ANK2: variants seen among roughly 807,000 people sequenced by gnomAD.
ANK2 encodes ankyrin-2.
A neutral mutation model predicts 360.5 loss-of-function variants in ANK2; 83 were observed. That is an observed-to-expected ratio of 0.23 (90% CI 0.19 to 0.28). The LOEUF (loss-of-function observed/expected upper bound fraction) is 0.28, where lower values mean the gene tolerates loss of function less well. Among genes scored for constraint, ANK2 ranks in the 10% least tolerant of loss-of-function variants. The pLI, the probability that ANK2 is intolerant of heterozygous loss-of-function variation, is 1.00. For missense variants in ANK2, 4,201 were observed against 4,795.7 expected, an observed-to-expected ratio of 0.88 and a Z score of 3.66; for synonymous variants, 1,740 against 1,759.5, an observed-to-expected ratio of 0.99 and a Z score of 0.28.
chr4:113,008,803 A>T (rs1430022249), intron 2 of ANK2, among the ~76,000 whole-genome samples: 5 of 152,168 alleles, frequency 3.3e-5, no homozygotes, highest in African/African-American at 7.2e-5. Flanking sequence ...TGAGGCTGTG[A>T]TTCTATATTC....
chr4:113,161,834 A>G (rs1014010630), intron 1 of ANK2, among the ~76,000 whole-genome samples: 1 of 152,122 alleles, frequency 6.6e-6, no homozygotes, highest in Non-Finnish European at 1.5e-5. Flanking sequence ...CAGGGGCATT[A>G]CAAGAGGCCC....
At chr4:112,998,026 C>T (rs1338791872) in intron 2 of ANK2, among the ~76,000 whole-genome samples, 3 of 151,510 alleles carry the variant, frequency 2.0e-5, no homozygotes, top group African/African-American at 4.9e-5. Flanking sequence ...ATCTTTTGAG[C>T]ATGTGGTCCT....
At chr4:112,726,094 C>T in the ANK2 span, among the ~76,000 whole-genome samples, 1 of 152,046 alleles carries the variant, frequency 6.6e-6, no homozygotes, top group East Asian at 1.9e-4. Context: ...AAGGAGGAAG[C>T]ACACATCTGG....
chr4:113,021,195 T>C (rs1401672648), intron 2 of ANK2, among the ~76,000 whole-genome samples: 1 of 152,100 alleles, frequency 6.6e-6, no homozygotes, highest in African/African-American at 2.4e-5. Context: ...TTTTTCTGTC[T>C]CTTGAATTCC....
At chr4:113,287,833 AACCCTCTCC>A in intron 19 of ANK2, 130 bp downstream of exon 19, 1 of 786,624 alleles carries the variant, frequency 1.3e-6, no homozygotes, top group South Asian at 1.5e-5. Context: ...AACTAATCAT[AACCCTCTCC>A]TATGCACAAA....
chr4:113,230,748 A>G (rs1364849283), intron 4 of ANK2, among the ~76,000 whole-genome samples: 1 of 152,172 alleles, frequency 6.6e-6, no homozygotes, highest in Non-Finnish European at 1.5e-5. Flanking sequence ...TTGCCCATTC[A>G]AATTTAATTT....
intron 1 of ANK2, among the ~76,000 whole-genome samples, chr4:113,159,169 C>G (rs1342114227): frequency 7.0e-6 from 1 of 142,938 alleles, no homozygotes; most frequent in African/African-American, 2.6e-5. Context: ...ATGACTTCCT[C>G]TCTCTCTCTT....
chr4:113,159,191 CCA>C (rs57967546), intron 1 of ANK2, among the ~76,000 whole-genome samples: 33,488 of 141,834 alleles, frequency 0.24, 4,075 homozygotes, highest in Non-Finnish European at 0.28. Flanking sequence ...CTCTTTCCTT[CCA>C]CACACACACA....
At chr4:113,124,021 G>A (rs1245733856) in intron 1 of ANK2, among the ~76,000 whole-genome samples, 1 of 152,138 alleles carries the variant, frequency 6.6e-6, no homozygotes, top group Non-Finnish European at 1.5e-5. Context: ...TTCATGATCT[G>A]CAGTTTGACT....
chr4:112,961,806 T>C (rs954248346), intron 2 of ANK2, among the ~76,000 whole-genome samples: 3 of 152,108 alleles, frequency 2.0e-5, no homozygotes, highest in African/African-American at 7.2e-5. Flanking sequence ...GTCAAAATAA[T>C]TACAGTGGTT....
chr4:113,207,111 G>A (rs898949194), intron 4 of ANK2, among the ~76,000 whole-genome samples: 18 of 150,776 alleles, frequency 1.2e-4, no homozygotes, highest in East Asian at 7.8e-4. Flanking sequence ...GCGTGCACAC[G>A]CACACACACA....
intron 2 of ANK2, among the ~76,000 whole-genome samples, chr4:113,040,293 G>A (rs2062642580): frequency 6.6e-6 from 1 of 152,062 alleles, no homozygotes; most frequent in South Asian, 2.1e-4. Flanking sequence ...TGTAAAATAA[G>A]ACATAGTTAA....
At chr4:112,972,078 G>A (rs1227763604) in intron 2 of ANK2, among the ~76,000 whole-genome samples, 2 of 152,154 alleles carry the variant, frequency 1.3e-5, no homozygotes, top group African/African-American at 4.8e-5. Flanking sequence ...TCTTGCAAGG[G>A]CAAGAAAAAT....
At chr4:113,264,835 T>C (rs1586579733) in intron 13 of ANK2, 62 bp from the exon 14 acceptor site, 1 of 1,512,078 alleles carries the variant, frequency 6.6e-7, no homozygotes, top group Non-Finnish European at 9.0e-7. Context: ...GGGACAACTT[T>C]ATTCTTTACC....
chr4:112,966,958 A>G (rs2037524070), intron 2 of ANK2, among the ~76,000 whole-genome samples: 1 of 152,196 alleles, frequency 6.6e-6, no homozygotes, highest in Admixed American at 6.5e-5. Context: ...GAGCATGTCA[A>G]GCAAATTGCT....
chr4:112,927,636 C>A (rs1309285840), intron 2 of ANK2, among the ~76,000 whole-genome samples: 1 of 152,172 alleles, frequency 6.6e-6, no homozygotes. Flanking sequence ...TCTATTGTTT[C>A]AGATTTGTCA....
rs117605740 is a variant in ANK2, at chr4:113,179,752, A to G, written c.186+5235A>G. Among the ~76,000 whole-genome samples the G allele has an allele frequency of 8.3e-3, 1,269 of 152,336 alleles. 80 individuals carry two copies. Among genetic ancestry groups the G allele is most frequent in the Admixed American group, 0.075 (1,141 of 15,302 alleles). ...TTCTGCATAACTTAATACTGTTACA[A>G]ACAAGATTAACATTCGGACATTAAA... On this transcript the variant is annotated intron_variant, in intron 2 of 45. Coordinates refer to ENST00000357077, the MANE Select transcript of ANK2 (RefSeq NM_001148.6).
At chr4:112,904,273 C>G (rs1438398043) in intron 1 of ANK2, among the ~76,000 whole-genome samples, 1 of 152,230 alleles carries the variant, frequency 6.6e-6, no homozygotes, top group South Asian at 2.1e-4. Context: ...CTTTACTGAA[C>G]TCTTGAAATG....
chr4:112,931,614 T>G (rs1397079702), intron 2 of ANK2, among the ~76,000 whole-genome samples: 1 of 151,950 alleles, frequency 6.6e-6, no homozygotes, highest in African/African-American at 2.4e-5. Flanking sequence ...TGTTTTTGTA[T>G]TTTTAGTTGA....
Sources: gnomAD v4.1 joint callset for allele counts (sites outside exome capture counted in the v4.1 genomes callset) on GRCh38, gnomAD v4.1.1 for gene constraint, MANE v1.5 for transcripts, NCBI Gene and HGNC (gene_info 2026-07-23, HGNC 2026-07-21) for gene names.